SCAMP1: variants seen among roughly 807,000 people sequenced by gnomAD.
SCAMP1 encodes the protein secretory carrier membrane protein 1.
SCAMP1 carries 15 observed loss-of-function variants against 41.8 expected under a neutral mutation model. The observed-to-expected ratio is 0.36, with a 90% CI of 0.24 to 0.55. The LOEUF is 0.55. SCAMP1 is among the 20% of genes least tolerant of loss of function. The pLI is 0.86. For synonymous variants in SCAMP1, 135 were observed against 136.8 expected (o/e 0.99, Z 0.09); for missense variants, 341 against 412.6 (o/e 0.83, Z 1.50).
At chr5:78,468,743 T>G (rs1024246403) in intron 8 of SCAMP1, among the ~76,000 whole-genome samples, 1 of 152,196 alleles carries the variant, frequency 6.6e-6, no homozygotes, top group African/African-American at 2.4e-5. Context: ...CAGTATATAT[T>G]CTGCAGATAC....
At chr5:78,414,688 T>C (rs931926623) in intron 2 of SCAMP1, among the ~76,000 whole-genome samples, 1 of 152,232 alleles carries the variant, frequency 6.6e-6, no homozygotes. Context: ...CCCCCATTGA[T>C]GGACTTGTAG....
chr5:78,368,423 T>G (rs1750852285), intron 1 of SCAMP1, among the ~76,000 whole-genome samples: 1 of 152,250 alleles, frequency 6.6e-6, no homozygotes, highest in Non-Finnish European at 1.5e-5. Flanking sequence ...ACCAAAAGTT[T>G]TTTTTGGACT....
chr5:78,469,890 TAAAAAAAA>T (rs141989832), intron 8 of SCAMP1, among the ~76,000 whole-genome samples: 885 of 15,032 alleles, frequency 0.059, 18 homozygotes, highest in African/African-American at 0.12. Flanking sequence ...TACAAGACAT[TAAAAAAAA>T]AAAAAAAAAA....
chr5:78,372,418 C>T (rs1170921103), intron 1 of SCAMP1, among the ~76,000 whole-genome samples: 1 of 152,114 alleles, frequency 6.6e-6, no homozygotes, highest in Non-Finnish European at 1.5e-5. Context: ...TAGCACCAAA[C>T]CCAAGCATTC....
chr5:78,401,347 A>AT (rs1751792898), intron 2 of SCAMP1, among the ~76,000 whole-genome samples: 1 of 152,126 alleles, frequency 6.6e-6, no homozygotes, highest in South Asian at 2.1e-4. Context: ...GCCTCATAGG[A>AT]TGAGTTAGGA....
chr5:78,397,995 G>A (rs757856045), intron 2 of SCAMP1, among the ~76,000 whole-genome samples: 1 of 152,184 alleles, frequency 6.6e-6, no homozygotes, highest in African/African-American at 2.4e-5. Context: ...ACACACTGCT[G>A]ATGGGAATGT....
At chr5:78,369,232 G>A (rs1386444783) in intron 1 of SCAMP1, among the ~76,000 whole-genome samples, 1 of 151,602 alleles carries the variant, frequency 6.6e-6, no homozygotes, top group African/African-American at 2.4e-5. Context: ...TTAGCCTCCC[G>A]AGTAGCTGGG....
intron 4 of SCAMP1, 58 bp from the exon 5 acceptor site, chr5:78,418,714 AAAT>A (rs1752266486): frequency 1.1e-5 from 12 of 1,129,244 alleles, no homozygotes; most frequent in Non-Finnish European, 1.4e-5. Flanking sequence ...ATGAAACAAA[AAAT>A]AATATCACAT....
intron 2 of SCAMP1, among the ~76,000 whole-genome samples, chr5:78,406,217 T>A (rs941828891): frequency 6.6e-6 from 1 of 152,238 alleles, no homozygotes; most frequent in African/African-American, 2.4e-5. Flanking sequence ...AAAGTACAAA[T>A]TCTCTCTTCT....
intron 1 of SCAMP1, among the ~76,000 whole-genome samples, chr5:78,386,621 G>C (rs1373284948): frequency 3.3e-5 from 5 of 151,584 alleles, no homozygotes; most frequent in African/African-American, 1.2e-4. Context: ...TCAATATTTA[G>C]AGCTCGTTTT....
chr5:78,469,370 A>G (rs898433108), intron 8 of SCAMP1, among the ~76,000 whole-genome samples: 1 of 152,074 alleles, frequency 6.6e-6, no homozygotes, highest in Non-Finnish European at 1.5e-5. Flanking sequence ...ACCTTCTTCT[A>G]AGGGACACAG....
At chr5:78,459,194 TAAA>T (rs1489969271) in intron 7 of SCAMP1, 48 bp from the exon 8 acceptor site, 2 of 848,742 alleles carry the variant, frequency 2.4e-6, no homozygotes, top group Non-Finnish European at 4.0e-6. Context: ...ATGCTATTTT[TAAA>T]AAGTTTACAT....
chr5:78,430,819 G>T (rs1258677725), intron 6 of SCAMP1, among the ~76,000 whole-genome samples: 1 of 152,016 alleles, frequency 6.6e-6, no homozygotes, highest in Non-Finnish European at 1.5e-5. Flanking sequence ...TTTCCACACA[G>T]TAAGTTAACT....
At chr5:78,437,756 T>C (rs1048385224) in intron 6 of SCAMP1, among the ~76,000 whole-genome samples, 1 of 152,232 alleles carries the variant, frequency 6.6e-6, no homozygotes, top group Non-Finnish European at 1.5e-5. Flanking sequence ...ATTTCCTGTT[T>C]TTCTATTGTT....
chr5:78,392,376 G>A (rs993248364), intron 2 of SCAMP1, among the ~76,000 whole-genome samples: 1 of 152,196 alleles, frequency 6.6e-6, no homozygotes, highest in African/African-American at 2.4e-5. Flanking sequence ...TATCTGTAAA[G>A]CTTTTGCCTT....
chr5:78,469,926 A>C (rs1753841874), intron 8 of SCAMP1, among the ~76,000 whole-genome samples: 15 of 20,370 alleles, frequency 7.4e-4, no homozygotes, highest in East Asian at 2.2e-3. Flanking sequence ...AAAAAAAAAA[A>C]AAAAAACAAC....
rs1754063746 is a variant in SCAMP1, at chr5:78,478,757, A to T, written c.*3089A>T. On this transcript the variant is annotated 3_prime_UTR_variant, in exon 9 of 9. Coordinates refer to ENST00000621999, the MANE Select transcript of SCAMP1 (RefSeq NM_004866.6). Reference sequence around the variant, plus strand: ...GATTTTTCACTTGGTTAGCTAAAGAAGATGTAAAAATATCTAAAATAATGT... The same window carrying T: ...GATTTTTCACTTGGTTAGCTAAAGATGATGTAAAAATATCTAAAATAATGT... The T allele has an allele frequency of 6.6e-6, 1 of 152,202 alleles. No individual in the cohort carries two copies. The highest frequency in any genetic ancestry group is 2.4e-5 in the African/African-American group (1 of 41,472). The allele number at this position is 152,202 out of a possible 1,614,324, so 9.4% of individuals were successfully genotyped here.
intron 6 of SCAMP1, among the ~76,000 whole-genome samples, chr5:78,448,580 G>A (rs1001006868): frequency 3.9e-5 from 6 of 152,202 alleles, no homozygotes; most frequent in African/African-American, 1.4e-4. Context: ...TTAGGAAGAT[G>A]CAAATTAAAA....
chr5:78,479,712 A>G lies in SCAMP1; in HGVS notation c.*4044A>G, dbSNP rs565124769. Among the ~76,000 whole-genome samples the G allele has an allele frequency of 5.9e-5, 9 of 152,308 alleles. No homozygotes were observed. The East Asian group carries it at 7.7e-4, about 13-fold the overall frequency. Reference sequence around the variant, plus strand: ...CCCCGCTGTGGGTTTTATATTTACAATTTAACTTTGGGGTTTGGGTAAGAC... The same window carrying G: ...CCCCGCTGTGGGTTTTATATTTACAGTTTAACTTTGGGGTTTGGGTAAGAC... On this transcript the variant is annotated 3_prime_UTR_variant, in exon 9 of 9. Coordinates refer to ENST00000621999, the MANE Select transcript of SCAMP1 (RefSeq NM_004866.6).
Sources: gnomAD v4.1 joint callset for allele counts (sites outside exome capture counted in the v4.1 genomes callset) on GRCh38, gnomAD v4.1.1 for gene constraint, MANE v1.5 for transcripts, NCBI Gene and HGNC (gene_info 2026-07-23, HGNC 2026-07-21) for gene names.